MEGF6: variants seen among roughly 807,000 people sequenced by gnomAD.
The protein encoded by MEGF6 is multiple EGF like domains 6.
Under a neutral mutation model 207.1 loss-of-function variants are expected in MEGF6, and 184 were observed. The observed-to-expected ratio is 0.89, with a 90% CI of 0.79 to 1.00. MEGF6 has a LOEUF of 1.00. MEGF6 is among the 50% of genes least tolerant of loss of function. The pLI, the probability that MEGF6 is intolerant of heterozygous loss-of-function variation, is 0.00. For synonymous variants in MEGF6, 1,038 were observed against 910.0 expected (o/e 1.14, Z -2.53); for missense variants, 2,282 against 2,202.9 (o/e 1.04, Z -0.72).
At chr1:3,611,846 T>A (rs1644332429), upstream of MEGF6, among the ~76,000 whole-genome samples, 1 of 150,628 alleles carries the variant, frequency 6.6e-6, no homozygotes, top group Admixed American at 6.6e-5. Flanking sequence ...AAAGTCCAAG[T>A]CCTAACCGAC....
chr1:3,598,401 T>C lies in MEGF6; in HGVS notation c.267-2954A>G, dbSNP rs574688421. Among the ~76,000 whole-genome samples, 4 of 152,338 alleles carry C rather than the reference T, an allele frequency of 2.6e-5. No homozygotes were observed. In the East Asian group the frequency reaches 7.7e-4, roughly 29 times the overall value. On this transcript the variant is annotated intron_variant, in intron 2 of 36. Transcript: ENST00000356575. ...CTGGGAGCGCCTTGCAAACCCCGTC[T>C]TGGCAGGACATGAAACCACTTGCCC...
At chr1:3,527,538 C>T (rs1440840423) in intron 4 of MEGF6, among the ~76,000 whole-genome samples, 9 of 152,252 alleles carry the variant, frequency 5.9e-5, no homozygotes. Flanking sequence ...TCCACCTGCA[C>T]CATGAAGTCG....
intron 3 of MEGF6, among the ~76,000 whole-genome samples, chr1:3,590,349 G>T (rs112133666): frequency 6.6e-6 from 1 of 152,118 alleles, no homozygotes; most frequent in East Asian, 1.9e-4. Flanking sequence ...ACCTGGCACC[G>T]GACCAGGATA....
At chr1:3,597,853 A>G (rs1644093028) in intron 2 of MEGF6, among the ~76,000 whole-genome samples, 1 of 152,206 alleles carries the variant, frequency 6.6e-6, no homozygotes, top group Admixed American at 6.5e-5. Context: ...GTCGGGGCTC[A>G]CTGCAGCAGT....
intron 35 of MEGF6, among the ~76,000 whole-genome samples, chr1:3,492,024 G>A (rs1005613798): frequency 6.6e-6 from 1 of 152,026 alleles, no homozygotes; most frequent in Non-Finnish European, 1.5e-5. Context: ...TGATGCACAC[G>A]TAACACACAG....
intron 4 of MEGF6, among the ~76,000 whole-genome samples, chr1:3,547,585 C>G (rs968185225): frequency 5.9e-5 from 9 of 152,178 alleles, no homozygotes; most frequent in Admixed American, 3.9e-4. Context: ...CAGCCACTCC[C>G]CCTCCCGCCT....
At chr1:3,507,384 T>C (rs1303766031) in intron 14 of MEGF6, among the ~76,000 whole-genome samples, 1 of 152,172 alleles carries the variant, frequency 6.6e-6, no homozygotes, top group African/African-American at 2.4e-5. Flanking sequence ...GGAGCCAACA[T>C]CATCCCTTGC....
At chr1:3,568,348 T>C (rs1351092549) in intron 4 of MEGF6, among the ~76,000 whole-genome samples, 1 of 148,550 alleles carries the variant, frequency 6.7e-6, no homozygotes, top group African/African-American at 2.6e-5. Context: ...GGCAGGGGAA[T>C]GGGGGCTTCG....
At chr1:3,580,053 C>G (rs1643756053) in intron 3 of MEGF6, 124 bp from the exon 4 acceptor site, 1 of 653,698 alleles carries the variant, frequency 1.5e-6, no homozygotes, top group South Asian at 2.2e-5. Flanking sequence ...CCCGTTCTCT[C>G]TGTCCTAGGT....
chr1:3,539,526 C>T (rs575127087), intron 4 of MEGF6, among the ~76,000 whole-genome samples: 2 of 152,090 alleles, frequency 1.3e-5, no homozygotes, highest in African/African-American at 4.8e-5. Context: ...TGACTTGGCC[C>T]GGGTCATGCA....
At chr1:3,503,706 T>C (rs1252297657) in intron 17 of MEGF6, among the ~76,000 whole-genome samples, 1 of 147,514 alleles carries the variant, frequency 6.8e-6, no homozygotes, top group Non-Finnish European at 1.5e-5. Context: ...TGTATGTGTG[T>C]ATGTGTGTGT....
chr1:3,534,350 T>C (rs1642263054), intron 4 of MEGF6, among the ~76,000 whole-genome samples: 1 of 152,258 alleles, frequency 6.6e-6, no homozygotes, highest in East Asian at 1.9e-4. Context: ...TTCACCTATT[T>C]GTTTTTGCTT....
intron 4 of MEGF6, among the ~76,000 whole-genome samples, chr1:3,530,830 C>A (rs930752223): frequency 1.3e-5 from 2 of 152,220 alleles, no homozygotes; most frequent in African/African-American, 4.8e-5. Context: ...GTTTTTCTTT[C>A]CTCCGGTCAA....
At chr1:3,557,077 C>T (rs537174236) in intron 4 of MEGF6, among the ~76,000 whole-genome samples, 6 of 152,126 alleles carry the variant, frequency 3.9e-5, no homozygotes, top group Middle Eastern at 6.8e-3. Context: ...GCGCTGCTGC[C>T]TTGGAAGGAC....
At position 3,602,542 on chromosome 1, in the gene MEGF6, G is replaced by C. The variant is rs952499128; in HGVS notation, c.190C>G (p.Gln64Glu). The C allele has an allele frequency of 6.2e-7, 1 of 1,612,872 alleles. No homozygotes were observed. Among genetic ancestry groups the C allele is most frequent in the African/African-American group, 1.3e-5 (1 of 74,924 alleles). Reference sequence around the variant, plus strand: ...ACCGGCACCGTGTGGCTTAAGGCCTGCACGCACGGCTGGCGGCGGCCCACC... The same window carrying C: ...ACCGGCACCGTGTGGCTTAAGGCCTCCACGCACGGCTGGCGGCGGCCCACC... ...TLVGRRQPCV[Q>E]ALSHTVPVWK... Residue 64 changes from glutamine to glutamate, a missense_variant, in exon 2 of 37, where the codon CAG (glutamine) becomes GAG (glutamate). Gln to Glu is a conservative substitution (Grantham distance 29). Transcript: ENST00000356575.
At position 3,509,108 on chromosome 1, in the gene MEGF6, A is replaced by G. The variant is rs1355091097; in HGVS notation, c.1495T>C (p.Leu499=). 3.8e-6 allele frequency: 6 copies of G among 1,599,588 alleles called. No individual in the cohort carries two copies. The East Asian group carries it at 1.1e-4, about 30-fold the overall frequency. ...TCTGTGAGCGTGTGTTCGCCCCGCAACTCTGCCTCTTCCTCATCGGCCCCG... is the reference window on the plus strand; with the variant it reads ...TCTGTGAGCGTGTGTTCGCCCCGCAGCTCTGCCTCTTCCTCATCGGCCCCG... ...DVGADEEEAE[L]RGEHTLTEKF... The change falls in exon 12 of 37, where the codon TTG becomes CTG. Residue 499 remains leucine (L), a synonymous_variant. Transcript: ENST00000356575.
chr1:3,505,326 G>A lies in MEGF6; in HGVS notation c.2070C>T (p.Tyr690=), dbSNP rs1641064347. Residue 690 remains tyrosine (Y), a synonymous_variant, in exon 17 of 37, where the codon TAC becomes TAT. Transcript: ENST00000356575. ...ATGCCTGCCAGCACCCCGGCCCAAA[G>A]TAGCCCAGCTCACACTCTGCAGGGC... ...ERCQAECELG[Y]FGPGCWQACT... The A allele has an allele frequency of 1.9e-6, 3 of 1,611,334 alleles. No homozygotes were observed. Among genetic ancestry groups the A allele is most frequent in the Non-Finnish European group, 1.7e-6 (2 of 1,179,388 alleles).
intron 2 of MEGF6, among the ~76,000 whole-genome samples, chr1:3,596,268 G>A (rs149855660): frequency 2.3e-3 from 343 of 152,064 alleles, no homozygotes; most frequent in African/African-American, 7.9e-3. Context: ...CCCAGGAGAC[G>A]GCAGTGTCCT....
chr1:3,601,534 G>A (rs1326068315), intron 2 of MEGF6, among the ~76,000 whole-genome samples: 2 of 152,154 alleles, frequency 1.3e-5, no homozygotes, highest in Admixed American at 1.3e-4. Context: ...TACTGGGCCG[G>A]GTCGTCTGTT....
Sources: gnomAD v4.1 joint callset for allele counts (sites outside exome capture counted in the v4.1 genomes callset) on GRCh38, gnomAD v4.1.1 for gene constraint, MANE v1.5 for transcripts, NCBI Gene and HGNC (gene_info 2026-07-23, HGNC 2026-07-21) for gene names.